SOX5: variants seen among roughly 807,000 people sequenced by gnomAD.
SOX5 encodes the protein transcription factor SOX-5.
A neutral mutation model predicts 92.0 loss-of-function variants in SOX5; 9 were observed. The observed-to-expected ratio is 0.10, with a 90% CI of 0.06 to 0.17. SOX5 has a LOEUF of 0.17. Among genes scored for constraint, SOX5 ranks in the 10% least tolerant of loss-of-function variants. The probability of loss-of-function intolerance (pLI) is 1.00; values close to 1 mark genes in which losing one functional copy is unlikely to be tolerated. For missense variants in SOX5, 642 were observed against 944.5 expected (o/e 0.68, Z 4.20); for synonymous variants, 344 against 336.3 (o/e 1.02, Z -0.25).
At chr12:24,506,586 G>T (rs1358085363) in intron 1 of SOX5, among the ~76,000 whole-genome samples, 1 of 152,030 alleles carries the variant, frequency 6.6e-6, no homozygotes, top group African/African-American at 2.4e-5. Flanking sequence ...GATGGTAGGG[G>T]TGAATATAGA....
intron 11 of SOX5, among the ~76,000 whole-genome samples, chr12:23,562,636 AAC>A (rs1252931394): frequency 6.6e-6 from 1 of 152,236 alleles, no homozygotes; most frequent in African/African-American, 2.4e-5. Context: ...TTCTAAATAA[AAC>A]ACCATGTAGG....
intron 4 of SOX5, among the ~76,000 whole-genome samples, chr12:24,081,067 A>G (rs7296101): frequency 0.37 from 56,106 of 151,812 alleles, 11,142 homozygotes; most frequent in East Asian, 0.65. Context: ...GTAAAATCCA[A>G]TGATGATATC....
intron 2 of SOX5, among the ~76,000 whole-genome samples, chr12:24,315,324 A>G (rs1949597586): frequency 6.6e-6 from 1 of 152,156 alleles, no homozygotes; most frequent in African/African-American, 2.4e-5. Context: ...CATATATTAA[A>G]CTTTAAAACT....
chr12:24,164,484 A>G (rs1953152924), intron 4 of SOX5, among the ~76,000 whole-genome samples: 1 of 152,086 alleles, frequency 6.6e-6, no homozygotes, highest in African/African-American at 2.4e-5. Flanking sequence ...AATGTTGTCT[A>G]TTTAACTGTA....
At chr12:24,144,834 A>C (rs1300440383) in intron 4 of SOX5, among the ~76,000 whole-genome samples, 1 of 152,080 alleles carries the variant, frequency 6.6e-6, no homozygotes, top group Non-Finnish European at 1.5e-5. Flanking sequence ...GTCTCAAAAA[A>C]AAGAAAAAAA....
At chr12:24,219,985 A>C (rs1960014596) in intron 3 of SOX5, among the ~76,000 whole-genome samples, 1 of 152,142 alleles carries the variant, frequency 6.6e-6, no homozygotes, top group African/African-American at 2.4e-5. Context: ...CCTCATCTTT[A>C]AAGTGATGAT....
chr12:24,023,561 A>C (rs7973352), intron 4 of SOX5, among the ~76,000 whole-genome samples: 3,004 of 151,878 alleles, frequency 0.02, 93 homozygotes, highest in East Asian at 0.084. Context: ...ACTCAACAAA[A>C]TAAGTGACCA....
At chr12:23,684,686 G>T (rs887338262) in intron 6 of SOX5, among the ~76,000 whole-genome samples, 1 of 152,058 alleles carries the variant, frequency 6.6e-6, no homozygotes, top group Non-Finnish European at 1.5e-5. Context: ...ATTCAAAAGT[G>T]TAAGTTCAAA....
chr12:23,875,032 G>C (rs1366559559), intron 2 of SOX5, among the ~76,000 whole-genome samples: 1 of 152,154 alleles, frequency 6.6e-6, no homozygotes, highest in Non-Finnish European at 1.5e-5. Context: ...CTTCCATTGT[G>C]TTTCCTAGTG....
intron 2 of SOX5, among the ~76,000 whole-genome samples, chr12:24,348,049 C>CAAAAAAAAAAAAAAAAAAAAAAAA (rs1182462748): frequency 2.8e-5 from 2 of 72,722 alleles, no homozygotes; most frequent in African/African-American, 4.7e-5. Flanking sequence ...TACAGCTAAT[C>CAAAAAAAAAAAAAAAAAAAAAAAA]AAAAAAAAAA....
intron 4 of SOX5, among the ~76,000 whole-genome samples, chr12:24,192,917 T>A (rs1956663698): frequency 6.6e-6 from 1 of 152,218 alleles, no homozygotes; most frequent in Non-Finnish European, 1.5e-5. Flanking sequence ...CTTGCCATTA[T>A]TTCTTTTTAT....
At chr12:23,634,750 T>G (rs1384063122) in intron 8 of SOX5, among the ~76,000 whole-genome samples, 1 of 152,194 alleles carries the variant, frequency 6.6e-6, no homozygotes, top group Non-Finnish European at 1.5e-5. Flanking sequence ...TTTTCTTCTA[T>G]CAGCCAACCA....
chr12:23,980,388 C>T (rs894798823), intron 4 of SOX5, among the ~76,000 whole-genome samples: 3 of 151,774 alleles, frequency 2.0e-5, no homozygotes, highest in Non-Finnish European at 2.9e-5. Flanking sequence ...AATAATATTC[C>T]TTTAAATGTA....
In SOX5 at chr12:23,665,315, T is replaced by A. The variant is rs986763840; in HGVS notation, c.931+129A>T. ...CTAACACACTTCTCCACACATTCTG[T>A]GTGTTTCCTCTTTAAAATAAAAATG... On this transcript the variant is annotated intron_variant, in intron 7 of 14. Coordinates refer to ENST00000451604, the MANE Select transcript of SOX5 (RefSeq NM_006940.6). 33 of 998,264 alleles carry A rather than the reference T, an allele frequency of 3.3e-5. No homozygotes were observed. The African/African-American group carries it at 4.6e-4, about 14-fold the overall frequency. 61.8% of individuals were successfully genotyped at this position (998,264 alleles called of 1,614,324 possible). A position where few individuals can be genotyped will look rare whatever the true frequency, so the allele number is the denominator to read the frequency against.
chr12:24,501,493 TAAAA>T, intron 1 of SOX5, among the ~76,000 whole-genome samples: 1 of 152,030 alleles, frequency 6.6e-6, no homozygotes, highest in East Asian at 1.9e-4. Context: ...TGCTTTTGTT[TAAAA>T]AAAAGTATTC....
chr12:24,395,515 A>C (rs1384993844), intron 1 of SOX5, among the ~76,000 whole-genome samples: 1 of 152,240 alleles, frequency 6.6e-6, no homozygotes, highest in Non-Finnish European at 1.5e-5. Flanking sequence ...AAGCTGGTGG[A>C]AAACCCACTG....
chr12:23,996,500 G>C (rs147338265), intron 4 of SOX5, among the ~76,000 whole-genome samples: 1 of 152,020 alleles, frequency 6.6e-6, no homozygotes, highest in Non-Finnish European at 1.5e-5. Flanking sequence ...AAAAATACTT[G>C]GACATTAAGT....
intron 1 of SOX5, among the ~76,000 whole-genome samples, chr12:24,479,490 G>A (rs188721202): frequency 6.6e-6 from 1 of 152,222 alleles, no homozygotes; most frequent in Non-Finnish European, 1.5e-5. Flanking sequence ...GCTAAAGAGA[G>A]GTTAAATAAC....
chr12:24,133,967 G>A (rs905943350), intron 4 of SOX5, among the ~76,000 whole-genome samples: 4 of 152,150 alleles, frequency 2.6e-5, no homozygotes, highest in African/African-American at 9.7e-5. Flanking sequence ...AGGAAGGGAG[G>A]CTTCTACTTT....
Sources: allele counts gnomAD v4.1 joint callset (sites outside exome capture counted in the v4.1 genomes callset), GRCh38; gene constraint gnomAD v4.1.1; transcripts MANE v1.5; gene names NCBI Gene and HGNC (gene_info 2026-07-23, HGNC 2026-07-21).